Variants in HEG1 observed in about 807,000 individuals in gnomAD.
HEG1 encodes protein HEG homolog 1.
In HEG1, 56 loss-of-function variants were observed where a neutral mutation model predicts 125.6. That is an observed-to-expected ratio of 0.45 (90% CI 0.36 to 0.56). The LOEUF is 0.56. Ranked by LOEUF, HEG1 falls within the 20% of genes least tolerant of loss-of-function variation. HEG1 has a pLI of 0.00. For missense variants in HEG1, 1,523 were observed against 1,670.0 expected, an observed-to-expected ratio of 0.91 and a Z score of 1.53; for synonymous variants, 644 against 668.5, an observed-to-expected ratio of 0.96 and a Z score of 0.57.
At chr3:125,001,499 G>C (rs1936998596) in intron 11 of HEG1, among the ~76,000 whole-genome samples, 1 of 152,248 alleles carries the variant, frequency 6.6e-6, no homozygotes, top group South Asian at 2.1e-4. Context: ...TCCCCAAAGA[G>C]AGCAGGAACT....
At chr3:125,014,170 G>A (rs561351226) in intron 5 of HEG1, among the ~76,000 whole-genome samples, 180 bp from the exon 6 acceptor site, 18 of 152,304 alleles carry the variant, frequency 1.2e-4, no homozygotes, top group Non-Finnish European at 1.6e-4. Context: ...GGGCAGGCAG[G>A]AGTGGTCAGT....
intron 6 of HEG1, 50 bp from the exon 7 acceptor site, chr3:125,010,605 A>C: frequency 9.7e-7 from 1 of 1,034,024 alleles, no homozygotes; most frequent in South Asian, 1.5e-5. Context: ...GGAAATGTAA[A>C]GGCAGCTTTA....
intron 1 of HEG1, among the ~76,000 whole-genome samples, chr3:125,043,911 G>A (rs571647251): frequency 7.0e-4 from 107 of 152,310 alleles, no homozygotes; most frequent in African/African-American, 2.5e-3. Flanking sequence ...GGAGGAAACG[G>A]GCCTGCTCCC....
intron 12 of HEG1, among the ~76,000 whole-genome samples, chr3:124,994,757 G>A (rs951997466): frequency 2.0e-5 from 3 of 152,210 alleles, no homozygotes; most frequent in African/African-American, 7.2e-5. Context: ...TCCCGCCTCA[G>A]CCTCCCAAAG....
At chr3:125,036,840 G>T (rs757082837) in intron 1 of HEG1, among the ~76,000 whole-genome samples, 1 of 152,156 alleles carries the variant, frequency 6.6e-6, no homozygotes, top group Non-Finnish European at 1.5e-5. Context: ...ACTTTCATAC[G>T]ATATTGGTAA....
chr3:124,990,968 C>T lies in HEG1; in HGVS notation c.3671G>A (p.Arg1224Lys). 6.4e-7 allele frequency: 1 copy of T among 1,558,608 alleles called. No individual in the cohort carries two copies. ...CCTCATGCAGGTTTCATTTTCAAGCCTATATCCATCTTCACATGCTGAAAG... is the reference window on the plus strand; with the variant it reads ...CCTCATGCAGGTTTCATTTTCAAGCTTATATCCATCTTCACATGCTGAAAG... ...HSCRACEDGY[R>K]LENETCMSCP... Residue 1224 changes from arginine to lysine, a missense_variant, in exon 13 of 17, where the codon AGG becomes AAG. Arg to Lys is a conservative substitution (Grantham distance 26). Transcript: ENST00000311127.
At chr3:124,980,752 C>A (rs1936633825) in intron 14 of HEG1, among the ~76,000 whole-genome samples, 1 of 152,154 alleles carries the variant, frequency 6.6e-6, no homozygotes, top group African/African-American at 2.4e-5. Context: ...CTCTTGGCCT[C>A]CAGTGATCCG....
intron 2 of HEG1, among the ~76,000 whole-genome samples, chr3:125,028,175 A>G (rs1357371645): frequency 1.3e-5 from 2 of 152,166 alleles, no homozygotes; most frequent in Non-Finnish European, 2.9e-5. Context: ...CTTTGACTCC[A>G]GGTTCCCTCC....
At chr3:125,007,758 AT>A (rs1937093832) in intron 8 of HEG1, among the ~76,000 whole-genome samples, 1 of 152,200 alleles carries the variant, frequency 6.6e-6, no homozygotes, top group Admixed American at 6.5e-5. Context: ...GAAGCAAATC[AT>A]TTGAGTCCTG....
Position 125,005,376 on chromosome 3 carries a change from T to C in HEG1, c.3194-8A>G, listed in dbSNP as rs1350032645. On this transcript the variant is annotated splice_polypyrimidine_tract_variant and splice_region_variant and intron_variant, in intron 8 of 16. Transcript: ENST00000311127. ...CTGTCACGAAGGTTCTAACTGAAAA[T>C]GAAAATGTAACTTGTTAGATTACAC... 1 of 1,466,518 alleles carries C rather than the reference T, an allele frequency of 6.8e-7. No homozygotes were observed. The highest frequency in any genetic ancestry group is 1.2e-5 in the South Asian group (1 of 82,608). 90.8% of individuals were successfully genotyped at this position (1,466,518 alleles called of 1,614,324 possible).
chr3:125,039,070 A>G (rs1364351574), intron 1 of HEG1, among the ~76,000 whole-genome samples: 1 of 152,156 alleles, frequency 6.6e-6, no homozygotes, highest in African/African-American at 2.4e-5. Context: ...TGAGCTGAAA[A>G]TACCATCCTT....
chr3:125,014,477 G>A (rs1361744976), intron 5 of HEG1, among the ~76,000 whole-genome samples: 1 of 152,056 alleles, frequency 6.6e-6, no homozygotes, highest in African/African-American at 2.4e-5. Flanking sequence ...CTTATTTTAA[G>A]TCTCCCAGCA....
chr3:124,976,721 C>A (rs536924451), intron 15 of HEG1, among the ~76,000 whole-genome samples: 4 of 152,062 alleles, frequency 2.6e-5, no homozygotes, highest in Non-Finnish European at 5.9e-5. Context: ...GAGGGCAGAT[C>A]TCTCATGAAA....
At chr3:125,028,576 C>A (rs921050182) in intron 2 of HEG1, among the ~76,000 whole-genome samples, 1 of 152,202 alleles carries the variant, frequency 6.6e-6, no homozygotes, top group African/African-American at 2.4e-5. Context: ...AACCTGTTAA[C>A]TGTTTGACCT....
intron 14 of HEG1, among the ~76,000 whole-genome samples, chr3:124,988,319 A>G (rs1212536213): frequency 6.6e-6 from 1 of 152,212 alleles, no homozygotes; most frequent in Non-Finnish European, 1.5e-5. Context: ...AAGGACATGT[A>G]CTGCCATCCA....
At chr3:125,037,551 G>C (rs1378253774) in intron 1 of HEG1, among the ~76,000 whole-genome samples, 1 of 152,230 alleles carries the variant, frequency 6.6e-6, no homozygotes, top group East Asian at 1.9e-4. Context: ...ACTACACTCA[G>C]TAACAGTCAT....
At chr3:125,024,465 G>T (rs1020890411) in intron 3 of HEG1, among the ~76,000 whole-genome samples, 4 of 152,066 alleles carry the variant, frequency 2.6e-5, no homozygotes, top group African/African-American at 9.7e-5. Context: ...TTCCCTGTTC[G>T]TTGCTTTGTT....
chr3:125,005,044 A>G (rs1937052821), intron 9 of HEG1, among the ~76,000 whole-genome samples: 2 of 152,224 alleles, frequency 1.3e-5, no homozygotes, highest in Non-Finnish European at 2.9e-5. Flanking sequence ...GCAGATAAAG[A>G]CTGTGCATGA....
rs745631367 is a variant in HEG1 at position 125,013,421 on chromosome 3, G to A, written c.2158C>T (p.Pro720Ser). The change falls in exon 6 of 17, where the codon CCA (proline) becomes TCA (serine). Residue 720 changes from proline (P) to serine (S), a missense_variant. Pro to Ser is a moderately conservative substitution (Grantham distance 74). Coordinates refer to ENST00000311127, the MANE Select transcript of HEG1 (RefSeq NM_020733.2). ...TPWSSSPSPL[P>S]VSLTTSTSAP... ...GATGTAGATGTCGTTAAGGATACTG[G>A]TAAAGGTGATGGTGAGGAAGACCAT... is the stretch of plus-strand genomic sequence containing the variant. The A allele has an allele frequency of 1.9e-6, 3 of 1,613,838 alleles. No homozygotes were observed. Among genetic ancestry groups the A allele is most frequent in the Non-Finnish European group, 2.5e-6 (3 of 1,179,890 alleles).
Sources: allele counts gnomAD v4.1 joint callset (sites outside exome capture counted in the v4.1 genomes callset), GRCh38; gene constraint gnomAD v4.1.1; transcripts MANE v1.5; gene names NCBI Gene and HGNC (gene_info 2026-07-23, HGNC 2026-07-21).